Variants in PEBP4 observed in about 807,000 individuals in gnomAD.
PEBP4 encodes phosphatidylethanolamine-binding protein 4.
PEBP4 carries 22 observed loss-of-function variants against 23.9 expected under a neutral mutation model. That is an observed-to-expected ratio of 0.92 (90% CI 0.66 to 1.31). The LOEUF is 1.31. Among genes scored for constraint, PEBP4 ranks in the 40% most tolerant of loss-of-function variants. The probability of loss-of-function intolerance (pLI) is 0.00; values close to 1 mark genes in which losing one functional copy is unlikely to be tolerated. For missense variants in PEBP4, 324 were observed against 281.7 expected (o/e 1.15, Z -1.07); for synonymous variants, 112 against 99.3 (o/e 1.13, Z -0.76).
At chr8:22,752,734 G>C (rs894509646) in intron 4 of PEBP4, among the ~76,000 whole-genome samples, 3 of 152,226 alleles carry the variant, frequency 2.0e-5, no homozygotes, top group African/African-American at 7.2e-5. Flanking sequence ...TCCCACCAAG[G>C]CAATGCCATT....
chr8:22,818,988 C>A (rs766033237), intron 3 of PEBP4, among the ~76,000 whole-genome samples: 1 of 152,126 alleles, frequency 6.6e-6, no homozygotes, highest in Non-Finnish European at 1.5e-5. Flanking sequence ...TGAAGGTGGA[C>A]ATTCAGAGTT....
chr8:22,897,216 A>G (rs1808605876), intron 3 of PEBP4, among the ~76,000 whole-genome samples: 1 of 152,110 alleles, frequency 6.6e-6, no homozygotes, highest in Non-Finnish European at 1.5e-5. Context: ...TCTTCTTTAA[A>G]TTTAAGACTG....
At chr8:22,938,823 GCCC>G (rs1809573263) in intron 1 of PEBP4, among the ~76,000 whole-genome samples, 2 of 152,120 alleles carry the variant, frequency 1.3e-5, no homozygotes, top group Admixed American at 1.3e-4. Context: ...TTCTGTGAGG[GCCC>G]CATTTGTCTC....
At chr8:22,848,829 C>T (rs1276148290) in intron 3 of PEBP4, among the ~76,000 whole-genome samples, 1 of 152,148 alleles carries the variant, frequency 6.6e-6, no homozygotes, top group Non-Finnish European at 1.5e-5. Flanking sequence ...GCTGAGGGAG[C>T]GGAATTGTTT....
intron 3 of PEBP4, among the ~76,000 whole-genome samples, chr8:22,829,268 G>T (rs1807033289): frequency 6.6e-6 from 1 of 152,244 alleles, no homozygotes; most frequent in African/African-American, 2.4e-5. Context: ...CACAGAAGAG[G>T]TTGGCCCCAC....
intron 3 of PEBP4, among the ~76,000 whole-genome samples, chr8:22,901,889 C>T (rs938788468): frequency 6.6e-6 from 1 of 152,150 alleles, no homozygotes; most frequent in African/African-American, 2.4e-5. Context: ...TTTAGAAAGA[C>T]TGCCATTACA....
chr8:22,797,453 C>A (rs1224306729), intron 4 of PEBP4, among the ~76,000 whole-genome samples: 2 of 151,930 alleles, frequency 1.3e-5, no homozygotes, highest in Non-Finnish European at 2.9e-5. Context: ...TCAGTGAACT[C>A]ATTGGCAGAA....
At chr8:22,779,929 C>A (rs1050985332) in intron 4 of PEBP4, among the ~76,000 whole-genome samples, 2 of 151,922 alleles carry the variant, frequency 1.3e-5, no homozygotes, top group Non-Finnish European at 2.9e-5. Flanking sequence ...AGCATGGATT[C>A]CCAGGCATCT....
chr8:22,766,112 C>T (rs1173546177), intron 4 of PEBP4, among the ~76,000 whole-genome samples: 1 of 152,272 alleles, frequency 6.6e-6, no homozygotes, highest in Non-Finnish European at 1.5e-5. Flanking sequence ...CTTCCTCTTC[C>T]TTCCAAGCCT....
At chr8:22,856,826 TAAAGTC>T (rs1049004393) in intron 3 of PEBP4, among the ~76,000 whole-genome samples, 2 of 152,106 alleles carry the variant, frequency 1.3e-5, no homozygotes, top group African/African-American at 4.8e-5. Flanking sequence ...AAATTAAAAA[TAAAGTC>T]AAAGATTTAG....
Position 22,927,457 on chromosome 8 carries a change from C to T in PEBP4, c.131+127G>A, listed in dbSNP as rs143546207. The T allele has an allele frequency of 6.0e-4, 712 of 1,178,216 alleles. 1 individual carries two copies. The highest frequency in any genetic ancestry group is 5.0e-3 in the East Asian group (195 of 38,932). The allele number at this position is 1,178,216 out of a possible 1,614,324, so 73.0% of individuals were successfully genotyped here. Reference sequence around the variant, plus strand: ...ATCAAGGTGGTCTCCAGATCTGACACGTGTTCTGCCTTCCCATAAAATCAG... The same window carrying T: ...ATCAAGGTGGTCTCCAGATCTGACATGTGTTCTGCCTTCCCATAAAATCAG... On this transcript the variant is annotated intron_variant, in intron 2 of 6. Transcript: ENST00000256404.
intron 3 of PEBP4, among the ~76,000 whole-genome samples, chr8:22,821,357 A>G (rs1806853241): frequency 6.6e-6 from 1 of 152,204 alleles, no homozygotes; most frequent in South Asian, 2.1e-4. Context: ...AAGGAGAGAC[A>G]TGTGTACTGC....
intron 3 of PEBP4, among the ~76,000 whole-genome samples, chr8:22,913,532 C>T (rs376520124): frequency 1.3e-5 from 2 of 152,162 alleles, no homozygotes. Context: ...CATAGGGCAG[C>T]CCCCTCCAGC....
At chr8:22,849,992 G>A (rs1468022714) in intron 3 of PEBP4, among the ~76,000 whole-genome samples, 3 of 152,044 alleles carry the variant, frequency 2.0e-5, no homozygotes, top group African/African-American at 7.2e-5. Flanking sequence ...GGTGGGGGCA[G>A]TGGGCACAGA....
chr8:22,925,081 G>A (rs1273699333), intron 2 of PEBP4: 1 of 985,228 alleles, frequency 1.0e-6, no homozygotes, highest in Admixed American at 6.2e-5. Flanking sequence ...AGGTCCTGCT[G>A]TCTCCTCAGG....
At chr8:22,785,646 C>A (rs1249997088) in intron 4 of PEBP4, among the ~76,000 whole-genome samples, 3 of 152,144 alleles carry the variant, frequency 2.0e-5, no homozygotes, top group African/African-American at 7.2e-5. Flanking sequence ...GGCTCTGCCA[C>A]CTGCTAGCAA....
At chr8:22,870,948 T>C (rs1393693186) in intron 3 of PEBP4, among the ~76,000 whole-genome samples, 2 of 151,926 alleles carry the variant, frequency 1.3e-5, no homozygotes, top group South Asian at 4.2e-4. Flanking sequence ...TTGATGAAGG[T>C]GGAAAGGGAA....
At chr8:22,905,395 C>T (rs1252528149) in intron 3 of PEBP4, among the ~76,000 whole-genome samples, 2 of 151,802 alleles carry the variant, frequency 1.3e-5, no homozygotes, top group African/African-American at 2.4e-5. Flanking sequence ...CTCGGTTTGT[C>T]GTGGGGCTTT....
chr8:22,778,362 GT>G (rs1186902369), intron 4 of PEBP4, among the ~76,000 whole-genome samples: 2 of 151,770 alleles, frequency 1.3e-5, no homozygotes, highest in African/African-American at 4.8e-5. Context: ...TTTAGAGGCA[GT>G]TATGGGGAGA....
Sources: gnomAD v4.1 joint callset for allele counts (sites outside exome capture counted in the v4.1 genomes callset) on GRCh38, gnomAD v4.1.1 for gene constraint, MANE v1.5 for transcripts, NCBI Gene and HGNC (gene_info 2026-07-23, HGNC 2026-07-21) for gene names.